The following SOX5 variants were observed in gnomAD, a reference collection of about 807,000 sequenced individuals.
SOX5 encodes the protein SRY-box transcription factor 5.
A neutral mutation model predicts 92.0 loss-of-function variants in SOX5; 9 were observed. That is an observed-to-expected ratio of 0.10 (90% CI 0.06 to 0.17). The LOEUF (loss-of-function observed/expected upper bound fraction) is 0.17, where lower values mean the gene tolerates loss of function less well. Among genes scored for constraint, SOX5 ranks in the 10% least tolerant of loss-of-function variants. The pLI, the probability that SOX5 is intolerant of heterozygous loss-of-function variation, is 1.00. For missense variants in SOX5, 642 were observed against 944.5 expected (o/e 0.68, Z 4.20); for synonymous variants, 344 against 336.3 (o/e 1.02, Z -0.25).
intron 1 of SOX5, among the ~76,000 whole-genome samples, chr12:23,933,632 A>G (rs139547090): frequency 6.6e-6 from 1 of 151,710 alleles, no homozygotes. Flanking sequence ...ATGGCAATGG[A>G]TCAGAACAGT....
At chr12:24,227,968 T>C (rs939229178) in intron 3 of SOX5, 4 of 152,248 alleles carry the variant, frequency 2.6e-5, no homozygotes, top group African/African-American at 9.7e-5. Context: ...ACAAAACTTA[T>C]TTCATGTTTA....
At chr12:23,845,346 G>A (rs1265225169) in intron 3 of SOX5, among the ~76,000 whole-genome samples, 1 of 152,116 alleles carries the variant, frequency 6.6e-6, no homozygotes, top group African/African-American at 2.4e-5. Flanking sequence ...TGTACAATTT[G>A]CAACAGTTAT....
rs910208380 is a variant in SOX5 at position 24,016,981 on chromosome 12, G to A, written c.-1-120957C>T. The stretch of plus-strand genomic sequence containing the variant: ...AATATTCTCATCCAAAGAATTCACT[G>A]AGTGACTCAATGTAATATAGTCGGT... On this transcript the variant is annotated intron_variant, in intron 4 of 4. Coordinates refer to the SOX5 transcript ENST00000446891. 2.6e-5 allele frequency among the ~76,000 whole-genome samples: 4 copies of A among 152,274 alleles called. No homozygotes were observed. In the East Asian group the frequency reaches 7.7e-4, roughly 29 times the overall value.
intron 1 of SOX5, among the ~76,000 whole-genome samples, chr12:24,434,336 G>C (rs1173386165): frequency 6.6e-6 from 1 of 152,176 alleles, no homozygotes; most frequent in Non-Finnish European, 1.5e-5. Flanking sequence ...TTTGAGCTTT[G>C]TAAATATCAT....
At chr12:24,153,591 T>C (rs953926280) in intron 4 of SOX5, among the ~76,000 whole-genome samples, 3 of 152,150 alleles carry the variant, frequency 2.0e-5, no homozygotes, top group African/African-American at 7.2e-5. Flanking sequence ...ACATAGGTTA[T>C]CAACATCTTC....
intron 4 of SOX5, among the ~76,000 whole-genome samples, chr12:24,002,312 G>A (rs2136385923): frequency 6.6e-6 from 1 of 151,920 alleles, no homozygotes; most frequent in African/African-American, 2.4e-5. Context: ...CAAACCTTTA[G>A]CTAGACTGAC....
At chr12:24,435,294 C>T (rs1939191400) in intron 1 of SOX5, among the ~76,000 whole-genome samples, 1 of 152,170 alleles carries the variant, frequency 6.6e-6, no homozygotes, top group South Asian at 2.1e-4. Context: ...TGAAGATGTA[C>T]CCCTTTCTGA....
intron 4 of SOX5, among the ~76,000 whole-genome samples, chr12:24,114,939 C>A (rs79168144): frequency 1.3e-5 from 2 of 151,238 alleles, no homozygotes; most frequent in Admixed American, 6.6e-5. Flanking sequence ...CTGTCTCTAA[C>A]TAAATAAAGT....
chr12:23,659,390 C>T (rs908812810), intron 7 of SOX5, among the ~76,000 whole-genome samples: 8 of 152,070 alleles, frequency 5.3e-5, no homozygotes, highest in African/African-American at 1.9e-4. Flanking sequence ...TTCAGAAAAC[C>T]GATGAAGAGT....
chr12:23,965,324 G>A (rs146688696), intron 4 of SOX5, among the ~76,000 whole-genome samples: 70 of 152,242 alleles, frequency 4.6e-4, no homozygotes, highest in African/African-American at 1.5e-3. Context: ...CGTTTGAGGC[G>A]AAGGCTTACC....
At chr12:23,551,312 AT>A (rs1433028885) in intron 11 of SOX5, among the ~76,000 whole-genome samples, 1 of 151,886 alleles carries the variant, frequency 6.6e-6, no homozygotes, top group Non-Finnish European at 1.5e-5. Flanking sequence ...TCAGTTGGAG[AT>A]TTTTTTCATC....
chr12:24,351,559 C>T (rs1226643682), intron 2 of SOX5, among the ~76,000 whole-genome samples: 1 of 152,194 alleles, frequency 6.6e-6, no homozygotes. Flanking sequence ...GAAAGAACAG[C>T]TTAATTCCTT....
intron 4 of SOX5, among the ~76,000 whole-genome samples, chr12:24,063,912 A>G (rs927651639): frequency 6.6e-6 from 1 of 152,198 alleles, no homozygotes; most frequent in African/African-American, 2.4e-5. Flanking sequence ...ACCTAGGTCA[A>G]TGAGGTAATA....
At chr12:24,364,530 A>G (rs1955956477) in intron 2 of SOX5, among the ~76,000 whole-genome samples, 1 of 145,388 alleles carries the variant, frequency 6.9e-6, no homozygotes, top group Admixed American at 6.9e-5. Context: ...ATATATATAT[A>G]TATATATATA....
chr12:23,649,331 A>G (rs1167426959), intron 7 of SOX5, among the ~76,000 whole-genome samples: 2 of 152,106 alleles, frequency 1.3e-5, no homozygotes, highest in Non-Finnish European at 2.9e-5. Context: ...TATTTGCGCC[A>G]TTCCTCAATT....
chr12:24,551,499 A>G (rs2138953478), intron 1 of SOX5, among the ~76,000 whole-genome samples: 1 of 152,332 alleles, frequency 6.6e-6, no homozygotes, highest in South Asian at 2.1e-4. Context: ...GTATAACGTA[A>G]ATGCTTTTTT....
At chr12:23,568,041 C>G (rs1947457754) in intron 10 of SOX5, among the ~76,000 whole-genome samples, 3 of 152,132 alleles carry the variant, frequency 2.0e-5, no homozygotes. Context: ...ATCTGTGACT[C>G]TGGCCTCTTT....
chr12:23,904,939 A>G (rs919260899), intron 1 of SOX5, among the ~76,000 whole-genome samples: 1 of 152,116 alleles, frequency 6.6e-6, no homozygotes, highest in Non-Finnish European at 1.5e-5. Flanking sequence ...GGAGGGGAGG[A>G]TTAGATGCGC....
intron 4 of SOX5, among the ~76,000 whole-genome samples, chr12:24,097,463 C>A (rs1466568883): frequency 6.6e-6 from 1 of 151,076 alleles, no homozygotes; most frequent in Non-Finnish European, 1.5e-5. Flanking sequence ...TGAACATTTA[C>A]CCCTATATTT....
Sources: gnomAD v4.1 joint callset for allele counts (sites outside exome capture counted in the v4.1 genomes callset) on GRCh38, gnomAD v4.1.1 for gene constraint, MANE v1.5 for transcripts, NCBI Gene and HGNC (gene_info 2026-07-23, HGNC 2026-07-21) for gene names.